The following DYM variants were observed in gnomAD, a reference collection of about 807,000 sequenced individuals.
DYM encodes dymeclin, also known as dyggve-Melchior-Clausen syndrome protein.
DYM carries 78 observed loss-of-function variants against 93.1 expected under a neutral mutation model. The ratio of observed to expected loss-of-function variants is 0.84; its 90% CI spans 0.70 to 1.01. The LOEUF is 1.01. DYM is among the 50% of genes least tolerant of loss of function. DYM has a pLI of 0.00. For missense variants in DYM, 789 were observed against 845.0 expected (o/e 0.93, Z 0.82); for synonymous variants, 321 against 319.7 (o/e 1.00, Z -0.04).
chr18:49,292,336 G>GCAGGCAGACAGA (rs1568187404), intron 8 of DYM, among the ~76,000 whole-genome samples: 2 of 101,282 alleles, frequency 2.0e-5, no homozygotes, highest in South Asian at 7.3e-4. Context: ...AGGCAGGCAG[G>GCAGGCAGACAGA]CAGACAGACA....
chr18:49,130,569 A>G (rs1274936851), intron 15 of DYM, among the ~76,000 whole-genome samples: 1 of 32,240 alleles, frequency 3.1e-5, no homozygotes, highest in Non-Finnish European at 1.2e-4. Context: ...ACTTTACTAA[A>G]ACAATTTTTT....
chr18:49,268,961 A>G (rs1405566847), intron 11 of DYM, among the ~76,000 whole-genome samples: 1 of 152,142 alleles, frequency 6.6e-6, no homozygotes, highest in Non-Finnish European at 1.5e-5. Context: ...ATGGGGCTAT[A>G]TTAAACTAAA....
At chr18:49,223,162 C>A (rs2093423840) in intron 13 of DYM, among the ~76,000 whole-genome samples, 1 of 152,032 alleles carries the variant, frequency 6.6e-6, no homozygotes, top group South Asian at 2.1e-4. Flanking sequence ...TGCAAACAAA[C>A]AAATCTGAAA....
intron 17 of DYM, among the ~76,000 whole-genome samples, chr18:49,081,838 C>T (rs890968953): frequency 6.6e-6 from 1 of 152,234 alleles, no homozygotes; most frequent in Non-Finnish European, 1.5e-5. Flanking sequence ...TGCCCCACCT[C>T]TGCTCTGTGT....
intron 15 of DYM, among the ~76,000 whole-genome samples, chr18:49,162,098 T>C (rs1213546354): frequency 6.6e-6 from 1 of 152,206 alleles, no homozygotes; most frequent in Non-Finnish European, 1.5e-5. Context: ...TTCCAAAATA[T>C]AAGAAATGTC....
At chr18:49,098,747 T>G (rs749850287) in intron 16 of DYM, among the ~76,000 whole-genome samples, 4 of 152,234 alleles carry the variant, frequency 2.6e-5, no homozygotes, top group Admixed American at 6.5e-5. Context: ...TTAAGTTCTT[T>G]TTGAGTTTCT....
At chr18:49,293,290 T>C (rs1432123559) in intron 8 of DYM, among the ~76,000 whole-genome samples, 1 of 152,236 alleles carries the variant, frequency 6.6e-6, no homozygotes, top group Non-Finnish European at 1.5e-5. Flanking sequence ...AACATATGTG[T>C]GCATGTGTCT....
intron 2 of DYM, among the ~76,000 whole-genome samples, chr18:49,416,907 T>C (rs762296142): frequency 6.6e-6 from 1 of 152,152 alleles, no homozygotes; most frequent in African/African-American, 2.4e-5. Context: ...CAGCCTTTCA[T>C]AGTTAGAGCC....
intron 16 of DYM, among the ~76,000 whole-genome samples, chr18:49,100,385 ATG>A (rs2080014939): frequency 1.3e-5 from 2 of 152,248 alleles, no homozygotes; most frequent in African/African-American, 4.8e-5. Flanking sequence ...GAGTGTACTT[ATG>A]TGTCACACCA....
At chr18:49,236,301 A>G (rs2093859330) in intron 13 of DYM, among the ~76,000 whole-genome samples, 1 of 152,084 alleles carries the variant, frequency 6.6e-6, no homozygotes, top group Non-Finnish European at 1.5e-5. Flanking sequence ...TAACACGGTG[A>G]AACCCTGTCT....
At chr18:49,393,517 TC>T (rs1309541184) in intron 2 of DYM, 3 of 152,346 alleles carry the variant, frequency 2.0e-5, no homozygotes, top group African/African-American at 7.2e-5. Flanking sequence ...ATGCCTGTAA[TC>T]CCAGCACTTT....
intron 14 of DYM, among the ~76,000 whole-genome samples, chr18:49,208,147 C>T (rs1377399126): frequency 7.6e-6 from 1 of 131,342 alleles, no homozygotes; most frequent in African/African-American, 3.1e-5. Flanking sequence ...TGAGTCACTG[C>T]AGCCTAGCCT....
intron 8 of DYM, among the ~76,000 whole-genome samples, chr18:49,311,872 T>C (rs2061614089): frequency 6.8e-6 from 1 of 147,440 alleles, no homozygotes; most frequent in African/African-American, 2.5e-5. Context: ...ACTTAAAGTA[T>C]AATAATTAAA....
chr18:49,158,984 A>C (rs1364169752), intron 15 of DYM, among the ~76,000 whole-genome samples: 1 of 152,220 alleles, frequency 6.6e-6, no homozygotes, highest in Non-Finnish European at 1.5e-5. Context: ...CGTGGGTATT[A>C]AAATATCTCA....
intron 11 of DYM, among the ~76,000 whole-genome samples, chr18:49,259,681 C>T (rs1396644230): frequency 6.6e-6 from 1 of 152,106 alleles, no homozygotes; most frequent in Non-Finnish European, 1.5e-5. Context: ...TTTTTAAAGT[C>T]CATACTCACT....
intron 17 of DYM, among the ~76,000 whole-genome samples, chr18:49,079,393 CTTTTT>C (rs879799565): frequency 2.1e-5 from 3 of 145,522 alleles, no homozygotes; most frequent in African/African-American, 7.6e-5. Flanking sequence ...TGTAGAGATT[CTTTTT>C]TTTTTTTTTT....
chr18:49,340,888 A>G (rs1457169977), intron 6 of DYM, among the ~76,000 whole-genome samples: 2 of 152,250 alleles, frequency 1.3e-5, no homozygotes, highest in Non-Finnish European at 2.9e-5. Context: ...AGATTAATCA[A>G]GAAACACTAA....
At chr18:49,299,968 G>A (rs576588790) in intron 8 of DYM, among the ~76,000 whole-genome samples, 57 of 150,112 alleles carry the variant, frequency 3.8e-4, no homozygotes, top group Middle Eastern at 3.5e-3. Flanking sequence ...GCATAAACCC[G>A]GGAGATGGAG....
chr18:49,224,710 G>A (rs1330924558), intron 13 of DYM, among the ~76,000 whole-genome samples: 2 of 152,086 alleles, frequency 1.3e-5, no homozygotes, highest in Non-Finnish European at 2.9e-5. Context: ...CAAATCAGTC[G>A]GCGCCTTGAT....
Sources: allele counts gnomAD v4.1 joint callset (sites outside exome capture counted in the v4.1 genomes callset), GRCh38; gene constraint gnomAD v4.1.1; transcripts MANE v1.5; gene names NCBI Gene and HGNC (gene_info 2026-07-23, HGNC 2026-07-21).